PALM2AKAP2: variants seen among roughly 807,000 people sequenced by gnomAD.
The protein encoded by PALM2AKAP2 is PALM2-AKAP2 fusion protein.
A neutral mutation model predicts 71.5 loss-of-function variants in PALM2AKAP2; 37 were observed. The observed-to-expected ratio is 0.52, with a 90% CI of 0.40 to 0.68. The LOEUF is 0.68. PALM2AKAP2 is among the 30% of genes least tolerant of loss of function. The pLI is 0.00. For synonymous variants in PALM2AKAP2, 468 were observed against 478.8 expected, an observed-to-expected ratio of 0.98 and a Z score of 0.29; for missense variants, 1,224 against 1,191.8, an observed-to-expected ratio of 1.03 and a Z score of -0.40.
intron 1 of PALM2AKAP2, among the ~76,000 whole-genome samples, chr9:110,060,555 T>C (rs1164014788): frequency 6.6e-6 from 1 of 152,066 alleles, no homozygotes; most frequent in Non-Finnish European, 1.5e-5. Context: ...ACAGCTGCTG[T>C]CTCCATCACT....
At chr9:109,861,834 G>GT (rs1201353632) in intron 1 of PALM2AKAP2, among the ~76,000 whole-genome samples, 7 of 152,288 alleles carry the variant, frequency 4.6e-5, no homozygotes, top group Admixed American at 1.3e-4. Context: ...GATGGCCAAT[G>GT]TGTTTTTAAT....
At chr9:109,838,204 G>C (rs1464736534) in intron 1 of PALM2AKAP2, among the ~76,000 whole-genome samples, 2 of 152,166 alleles carry the variant, frequency 1.3e-5, no homozygotes, top group African/African-American at 2.4e-5. Flanking sequence ...AATCAAACTA[G>C]AACTCAAGAT....
rs199648742 is a variant in PALM2AKAP2 at position 110,161,604 on chromosome 9, C to T, written c.2748+5107C>T. Reference sequence around the variant, plus strand: ...TCCCTAGGCAAGACTACCCTTAGGCCGGTTTCAGAGAATCTGCCTCCACAA... The same window carrying T: ...TCCCTAGGCAAGACTACCCTTAGGCTGGTTTCAGAGAATCTGCCTCCACAA... On this transcript the variant is annotated intron_variant, in intron 3 of 3. Transcript: ENST00000374525. Among the ~76,000 whole-genome samples, 14 of 152,112 alleles carry T rather than the reference C, an allele frequency of 9.2e-5. No homozygotes were observed. In the East Asian group the frequency reaches 1.3e-3, roughly 15 times the overall value.
intron 1 of PALM2AKAP2, among the ~76,000 whole-genome samples, chr9:110,106,076 G>A (rs568618191): frequency 3.2e-4 from 49 of 152,294 alleles, no homozygotes; most frequent in Admixed American, 2.0e-3. Context: ...TCATTAAGAG[G>A]CTGTGTTGTT....
intron 1 of PALM2AKAP2, among the ~76,000 whole-genome samples, chr9:110,071,316 G>T (rs1194395569): frequency 6.6e-6 from 1 of 152,262 alleles, no homozygotes; most frequent in South Asian, 2.1e-4. Flanking sequence ...TGTAATAGAG[G>T]ATACAAATAA....
chr9:110,119,586 A>T (rs1835441487), intron 1 of PALM2AKAP2, among the ~76,000 whole-genome samples: 1 of 152,258 alleles, frequency 6.6e-6, no homozygotes, highest in East Asian at 1.9e-4. Context: ...ATGGAGTTGG[A>T]TGAGGGTACC....
chr9:109,811,717 G>A (rs1219103700), intron 1 of PALM2AKAP2, among the ~76,000 whole-genome samples: 3 of 152,070 alleles, frequency 2.0e-5, no homozygotes, highest in Non-Finnish European at 4.4e-5. Flanking sequence ...GACTACAGGT[G>A]TGTGCCACCA....
At chr9:109,818,135 A>G (rs758613517) in intron 1 of PALM2AKAP2, among the ~76,000 whole-genome samples, 4 of 152,244 alleles carry the variant, frequency 2.6e-5, no homozygotes, top group Non-Finnish European at 1.5e-5. Context: ...GGTATTTAAA[A>G]ATAGTGTACG....
At chr9:109,878,957 G>A (rs770248069) in intron 2 of PALM2AKAP2, among the ~76,000 whole-genome samples, 19 of 152,244 alleles carry the variant, frequency 1.2e-4, no homozygotes, top group South Asian at 2.1e-4. Flanking sequence ...GGCTAGTCGC[G>A]AACTCCTGAC....
chr9:110,162,601 C>A lies in PALM2AKAP2; in HGVS notation c.2749-5798C>A, dbSNP rs60188460. 5.7e-3 allele frequency among the ~76,000 whole-genome samples: 875 copies of A among 152,302 alleles called. 9 individuals are homozygous for A. Among genetic ancestry groups the A allele is most frequent in the African/African-American group, 0.02 (847 of 41,558 alleles). ...ATTCTATAGATTTAAGATGAACCAT[C>A]CTAATCTACAGATTTATCAAATGTA... is the stretch of plus-strand genomic sequence containing the variant. On this transcript the variant is annotated intron_variant, in intron 3 of 3. Transcript: ENST00000374525.
chr9:109,657,987 T>A (rs960326946), intron 1 of PALM2AKAP2, among the ~76,000 whole-genome samples: 7 of 149,498 alleles, frequency 4.7e-5, no homozygotes, highest in Non-Finnish European at 3.0e-5. Flanking sequence ...AGGTTGTATG[T>A]ATATTGTGGC....
intron 1 of PALM2AKAP2, among the ~76,000 whole-genome samples, chr9:109,680,253 C>T (rs960951590): frequency 3.9e-5 from 6 of 152,128 alleles, no homozygotes; most frequent in African/African-American, 7.2e-5. Context: ...GAACGAAGCC[C>T]GGGCACACAG....
At chr9:110,118,547 C>T (rs1473548489) in intron 1 of PALM2AKAP2, among the ~76,000 whole-genome samples, 1 of 152,196 alleles carries the variant, frequency 6.6e-6, no homozygotes, top group African/African-American at 2.4e-5. Context: ...TGCTCCCAGC[C>T]TTCTTGACTT....
chr9:109,704,192 C>T (rs1179007829), intron 1 of PALM2AKAP2, among the ~76,000 whole-genome samples: 2 of 152,110 alleles, frequency 1.3e-5, no homozygotes, highest in South Asian at 2.1e-4. Flanking sequence ...TTCTTCAGGC[C>T]GGATATTTAC....
At chr9:110,103,604 T>G (rs1348511143) in intron 1 of PALM2AKAP2, among the ~76,000 whole-genome samples, 1 of 152,240 alleles carries the variant, frequency 6.6e-6, no homozygotes, top group East Asian at 1.9e-4. Flanking sequence ...CTCATGTGTA[T>G]TCTACTTAGG....
At chr9:109,685,628 T>C (rs1029786962) in intron 1 of PALM2AKAP2, among the ~76,000 whole-genome samples, 1 of 152,192 alleles carries the variant, frequency 6.6e-6, no homozygotes, top group Non-Finnish European at 1.5e-5. Flanking sequence ...AAAAATACTT[T>C]ATTGCTAAAA....
chr9:110,129,280 A>T (rs1835682757), intron 1 of PALM2AKAP2, among the ~76,000 whole-genome samples: 1 of 152,252 alleles, frequency 6.6e-6, no homozygotes, highest in Non-Finnish European at 1.5e-5. Context: ...TGTGAGTCTC[A>T]CATCATCTGT....
chr9:109,673,900 T>C (rs1466350739), intron 1 of PALM2AKAP2, among the ~76,000 whole-genome samples: 2 of 152,160 alleles, frequency 1.3e-5, no homozygotes, highest in South Asian at 2.1e-4. Context: ...GTCTGTTTTG[T>C]CAGGAACTAG....
intron 1 of PALM2AKAP2, among the ~76,000 whole-genome samples, chr9:110,112,296 A>T (rs1835270123): frequency 6.6e-6 from 1 of 152,024 alleles, no homozygotes; most frequent in African/African-American, 2.4e-5. Context: ...GCTTCTTTAT[A>T]GTGGGCTTTG....
Sources: allele counts gnomAD v4.1 joint callset (sites outside exome capture counted in the v4.1 genomes callset), GRCh38; gene constraint gnomAD v4.1.1; transcripts MANE v1.5; gene names NCBI Gene and HGNC (gene_info 2026-07-23, HGNC 2026-07-21).